Variants in JAZF1 observed in about 807,000 individuals in gnomAD.
The protein encoded by JAZF1 is JAZF zinc finger 1.
Under a neutral mutation model 26.4 loss-of-function variants are expected in JAZF1, and 8 were observed. The ratio of observed to expected loss-of-function variants is 0.30; its 90% CI spans 0.18 to 0.55. JAZF1 has a LOEUF of 0.55. Among genes scored for constraint, JAZF1 ranks in the 20% least tolerant of loss-of-function variants. The pLI, the probability that JAZF1 is intolerant of heterozygous loss-of-function variation, is 0.94. For synonymous variants in JAZF1, 126 were observed against 122.3 expected (o/e 1.03, Z -0.20); for missense variants, 199 against 322.0 (o/e 0.62, Z 2.92).
At chr7:28,036,352 T>C (rs762916698) in intron 1 of JAZF1, among the ~76,000 whole-genome samples, 3 of 152,240 alleles carry the variant, frequency 2.0e-5, no homozygotes, top group Non-Finnish European at 4.4e-5. Flanking sequence ...TCTATAGTGA[T>C]TTTTTTCTTA....
intron 1 of JAZF1, among the ~76,000 whole-genome samples, chr7:28,110,610 AAAGGAAAAGGAAAGGAAAGG>A: frequency 1.6e-5 from 1 of 64,172 alleles, no homozygotes; most frequent in South Asian, 5.1e-4. Flanking sequence ...AAGGAAAAGG[AAAGGAAAAGGAAAGGAAAGG>A]AAAGGAAAAG....
intron 1 of JAZF1, among the ~76,000 whole-genome samples, chr7:28,139,160 C>T (rs887672910): frequency 6.6e-6 from 1 of 152,166 alleles, no homozygotes; most frequent in Admixed American, 6.5e-5. Flanking sequence ...ATCCTCCTGT[C>T]AGTGCCTGAA....
intron 2 of JAZF1, among the ~76,000 whole-genome samples, chr7:27,968,215 C>T (rs959105952): frequency 4.6e-5 from 7 of 152,128 alleles, no homozygotes; most frequent in Non-Finnish European, 8.8e-5. Context: ...ACGAAGACCA[C>T]CTGAAATTCC....
Position 28,170,337 on chromosome 7 carries a change from ATGTGTGTGTGTGTGTGTGTGTGTGTGTG to A in JAZF1, c.115+10098_115+10125del, listed in dbSNP as rs61200785. 2.3e-3 allele frequency among the ~76,000 whole-genome samples: 226 copies of A among 98,562 alleles called. 3 individuals carry two copies. In the East Asian group the frequency reaches 0.032, roughly 14 times the overall value. The allele number at this position is 98,562 out of a possible 152,430, so 64.7% of individuals were successfully genotyped here. A position where few individuals can be genotyped will look rare whatever the true frequency, so the allele number is the denominator to read the frequency against. ...AATCTGAAGTAAAAGAGAAGTTGATATGTGTGTGTGTGTGTGTGTGTGTGTGTGTGTGTGTGTGTGTGTGTGTGTGTGT... is the reference window on the plus strand; with the variant it reads ...AATCTGAAGTAAAAGAGAAGTTGATATGTGTGTGTGTGTGTGTGTGTGTGT... On this transcript the variant is annotated intron_variant, in intron 1 of 4. Transcript: ENST00000283928.
chr7:28,009,525 C>A (rs1782762447), intron 1 of JAZF1, among the ~76,000 whole-genome samples: 2 of 144,886 alleles, frequency 1.4e-5, no homozygotes. Context: ...GCTCTGTCGC[C>A]CAGGCTGGAG....
intron 2 of JAZF1, among the ~76,000 whole-genome samples, chr7:27,977,870 G>C (rs531340895): frequency 8.7e-4 from 132 of 152,310 alleles, no homozygotes; most frequent in Non-Finnish European, 1.9e-4. Context: ...GCGAGGGCCA[G>C]GTAGGTGATC....
chr7:28,019,105 C>T (rs1487890473), intron 1 of JAZF1, among the ~76,000 whole-genome samples: 1 of 152,190 alleles, frequency 6.6e-6, no homozygotes, highest in African/African-American at 2.4e-5. Flanking sequence ...TTATCCTTGC[C>T]AAGTTCTTCA....
chr7:28,119,644 C>T (rs1181355948), intron 1 of JAZF1, among the ~76,000 whole-genome samples: 1 of 152,208 alleles, frequency 6.6e-6, no homozygotes, highest in African/African-American at 2.4e-5. Context: ...CTGCCATGGA[C>T]CTTTCCTAAA....
chr7:28,118,456 A>G (rs997534730), intron 1 of JAZF1, among the ~76,000 whole-genome samples: 2 of 152,174 alleles, frequency 1.3e-5, no homozygotes, highest in African/African-American at 2.4e-5. Flanking sequence ...CAGAGGTTGC[A>G]GTGGGCCAAG....
At chr7:28,129,031 T>C (rs1005692280) in intron 1 of JAZF1, among the ~76,000 whole-genome samples, 2 of 152,094 alleles carry the variant, frequency 1.3e-5, no homozygotes, top group Admixed American at 1.3e-4. Context: ...CACTGGGTTC[T>C]CTGTTTTTAT....
chr7:28,020,170 C>G (rs1255439299), intron 1 of JAZF1, among the ~76,000 whole-genome samples: 1 of 152,144 alleles, frequency 6.6e-6, no homozygotes, highest in African/African-American at 2.4e-5. Flanking sequence ...TTTCCTCATG[C>G]TGAAACCCTC....
Position 27,840,854 on chromosome 7 carries a change from G to C in JAZF1, c.399C>G (p.Asp133Glu), listed in dbSNP as rs771128232. 3.1e-6 allele frequency: 5 copies of C among 1,613,816 alleles called. No individual in the cohort carries two copies. The Admixed American group carries it at 6.7e-5, about 22-fold the overall frequency. The stretch of plus-strand genomic sequence containing the variant: ...ACTCCTCATAGTCCACCTCCTCCTC[G>C]TCATACTCGCTGCCTGCAGGACAAG... ...RSSTPTGSEY[D>E]EEEVDYEESD... Residue 133 changes from aspartate (D) to glutamate (E), a missense_variant, in exon 4 of 5, where the codon GAC becomes GAG. This residue lies in a region of JAZF1 where 137 missense variants were observed against 184.8 expected (regional missense o/e 0.74). Transcript: ENST00000283928. The surrounding 1 kb of genome is among the most constrained non-coding windows in gnomAD (Gnocchi z 5.1).
At chr7:27,960,254 A>G (rs1785166189) in intron 2 of JAZF1, among the ~76,000 whole-genome samples, 1 of 152,240 alleles carries the variant, frequency 6.6e-6, no homozygotes, top group Non-Finnish European at 1.5e-5. Flanking sequence ...TTTAAATCAC[A>G]AGACTGAAAG....
chr7:27,961,452 C>A (rs551277362), intron 2 of JAZF1, among the ~76,000 whole-genome samples: 1 of 152,308 alleles, frequency 6.6e-6, no homozygotes, highest in East Asian at 1.9e-4. Flanking sequence ...GTGGCACAGG[C>A]GATGACTCAG....
At chr7:28,062,335 A>G (rs1279350457) in intron 1 of JAZF1, among the ~76,000 whole-genome samples, 3 of 152,102 alleles carry the variant, frequency 2.0e-5, no homozygotes, top group Admixed American at 1.3e-4. Flanking sequence ...CCGCAGGGAC[A>G]CTGTAATGGC....
At chr7:27,891,069 C>T (rs991404184) in intron 3 of JAZF1, among the ~76,000 whole-genome samples, 38 of 152,204 alleles carry the variant, frequency 2.5e-4, no homozygotes, top group South Asian at 1.0e-3. Context: ...GGATTACAGG[C>T]GTGAGCGACC....
At chr7:28,037,093 T>A (rs1783307408) in intron 1 of JAZF1, among the ~76,000 whole-genome samples, 2 of 152,156 alleles carry the variant, frequency 1.3e-5, no homozygotes, top group South Asian at 4.2e-4. Flanking sequence ...TTTGGGTACG[T>A]GCAGAACTTG....
chr7:27,924,541 A>T (rs1784581588), intron 2 of JAZF1, among the ~76,000 whole-genome samples: 1 of 152,246 alleles, frequency 6.6e-6, no homozygotes, highest in South Asian at 2.1e-4. Flanking sequence ...AGTTAAGTGA[A>T]AGAGAAAATG....
chr7:28,081,430 T>A (rs1324591896), intron 1 of JAZF1, among the ~76,000 whole-genome samples: 1 of 152,168 alleles, frequency 6.6e-6, no homozygotes, highest in Non-Finnish European at 1.5e-5. Flanking sequence ...CACCAGATGC[T>A]TTTTCTAAGG....
Sources: gnomAD v4.1 joint callset for allele counts (sites outside exome capture counted in the v4.1 genomes callset) on GRCh38, gnomAD v4.1.1 for gene constraint, gnomAD v4.1.1 regional missense constraint, Gnocchi (gnomAD v3.1) non-coding constraint, MANE v1.5 for transcripts, NCBI Gene and HGNC (gene_info 2026-07-23, HGNC 2026-07-21) for gene names.